POLQ: variants seen among roughly 807,000 people sequenced by gnomAD.
POLQ encodes the protein epididymis secretory sperm binding protein.
In POLQ, 233 loss-of-function variants were observed where a neutral mutation model predicts 259.2. The observed-to-expected ratio is 0.90, with a 90% CI of 0.81 to 1.00. POLQ has a LOEUF of 1.00. POLQ is among the 50% of genes least tolerant of loss of function. The pLI is 0.00. For missense variants in POLQ, 2,871 were observed against 3,051.6 expected, an observed-to-expected ratio of 0.94 and a Z score of 1.39; for synonymous variants, 1,025 against 1,048.8, an observed-to-expected ratio of 0.98 and a Z score of 0.44.
At chr3:121,512,441 A>T (rs1047749546) in intron 9 of POLQ, among the ~76,000 whole-genome samples, 1 of 152,190 alleles carries the variant, frequency 6.6e-6, no homozygotes, top group Admixed American at 6.5e-5. Context: ...CTACTAAAAT[A>T]ACTTCTATCT....
At position 121,432,948 on chromosome 3, in the gene POLQ, T is replaced by C. The variant is rs2047509688; in HGVS notation, c.7629A>G (p.Leu2543=). 6.2e-7 allele frequency: 1 copy of C among 1,603,892 alleles called. No homozygotes were observed. Among genetic ancestry groups the C allele is most frequent in the African/African-American group, 1.3e-5 (1 of 74,658 alleles). The change falls in exon 29 of 30, where the codon CTA becomes CTG. Residue 2543 remains leucine (L), a synonymous_variant. Transcript: ENST00000264233. ...CAACATCTTCTTCTGCCACTTCATA[T>C]AGGAGTTCATCATGGAGTTGAAGGA... is the stretch of plus-strand genomic sequence containing the variant. The part of the protein sequence containing the change: ...FFILQLHDEL[L]YEVAEEDVVQ...
At chr3:121,454,134 C>G (rs894575424) in intron 25 of POLQ, among the ~76,000 whole-genome samples, 1 of 152,136 alleles carries the variant, frequency 6.6e-6, no homozygotes, top group African/African-American at 2.4e-5. Flanking sequence ...CCAAACTAAG[C>G]TTCATTAAGT....
chr3:121,475,489 A>T (rs73193620), intron 20 of POLQ, among the ~76,000 whole-genome samples: 5,506 of 152,316 alleles, frequency 0.036, 152 homozygotes, highest in Middle Eastern at 0.082. Context: ...GAGAAAAAAA[A>T]CCAAGCAACT....
chr3:121,509,907 A>G (rs1020118170), intron 11 of POLQ, 132 bp downstream of exon 11: 2 of 853,296 alleles, frequency 2.3e-6, no homozygotes, highest in Admixed American at 2.6e-5. Flanking sequence ...ACTAAAAATG[A>G]GTTGATACAC....
chr3:121,456,325 G>A (rs1268522712), intron 25 of POLQ, among the ~76,000 whole-genome samples: 2 of 151,948 alleles, frequency 1.3e-5, no homozygotes, highest in African/African-American at 4.8e-5. Context: ...ACTGGCACAA[G>A]ACAGGGATGC....
At chr3:121,512,149 TG>T in intron 9 of POLQ, 120 bp from the exon 10 acceptor site, 1 of 798,592 alleles carries the variant, frequency 1.3e-6, no homozygotes. Flanking sequence ...GTGGTTGTTA[TG>T]GTAATAAAAT....
Position 121,487,500 on chromosome 3 carries a change from C to A in POLQ, c.5431G>T (p.Asp1811Tyr), listed in dbSNP as rs1305889963. 1.2e-6 allele frequency: 2 copies of A among 1,613,954 alleles called. No homozygotes were observed. Among genetic ancestry groups the A allele is most frequent in the Admixed American group, 3.3e-5 (2 of 59,978 alleles). The change falls in exon 16 of 30, where the codon GAT (aspartate) becomes TAT (tyrosine). Residue 1811 changes from aspartate (D) to tyrosine (Y), a missense_variant. Coordinates refer to ENST00000264233, the MANE Select transcript of POLQ (RefSeq NM_199420.4). Reference sequence around the variant, plus strand: ...GAGGCTGGAGTTAACTGTAATCCATCCTGTGATAACTGAAGTGAAAAGCTT... The same window carrying A: ...GAGGCTGGAGTTAACTGTAATCCATACTGTGATAACTGAAGTGAAAAGCTT... ...DTSFSLQLSQ[D>Y]GLQLTPASSS...
At chr3:121,530,838 A>T (rs575351265) in intron 6 of POLQ, among the ~76,000 whole-genome samples, 3 of 152,216 alleles carry the variant, frequency 2.0e-5, no homozygotes, top group Non-Finnish European at 4.4e-5. Flanking sequence ...GCAGAAAAAA[A>T]GCTCTACCCT....
chr3:121,464,238 A>G (rs1209379409), intron 24 of POLQ, among the ~76,000 whole-genome samples: 1 of 152,186 alleles, frequency 6.6e-6, no homozygotes. Context: ...AAAACAAATT[A>G]ATAATGGGCT....
chr3:121,524,917 C>T (rs993519506), intron 7 of POLQ, among the ~76,000 whole-genome samples: 4 of 141,108 alleles, frequency 2.8e-5, no homozygotes, highest in African/African-American at 7.8e-5. Context: ...CATGCATGTG[C>T]GTGTATATTT....
At position 121,496,845 on chromosome 3, in the gene POLQ, C is replaced by G; in HGVS notation, c.2241G>C (p.Gln747His). 5.6e-6 allele frequency: 9 copies of G among 1,613,770 alleles called. No individual in the cohort carries two copies. The highest frequency in any genetic ancestry group is 1.3e-5 in the African/African-American group (1 of 75,062). The change falls in exon 14 of 30, where the codon CAG becomes CAC. Residue 747 changes from glutamine to histidine, a missense_variant. Gln to His is a conservative substitution (Grantham distance 24). Around this residue, in one of 3 missense-constraint regions of POLQ, gnomAD observed 783 missense variants for 906.2 expected, o/e 0.86. Transcript: ENST00000264233. ...CAGCTGACTGTTGCAAAGATTGAAT[C>G]TGCCCACGATTGCATCCATATTTCT... ...INQKYGCNRG[Q>H]IQSLQQSAAV...
At chr3:121,502,512 T>TATAATTG (rs1344338108) in intron 12 of POLQ, among the ~76,000 whole-genome samples, 2 of 152,178 alleles carry the variant, frequency 1.3e-5, no homozygotes, top group Non-Finnish European at 2.9e-5. Flanking sequence ...CCAATATGCA[T>TATAATTG]ATAATTGAAT....
At chr3:121,443,700 A>C (rs928276213) in intron 26 of POLQ, among the ~76,000 whole-genome samples, 1 of 151,862 alleles carries the variant, frequency 6.6e-6, no homozygotes, top group Admixed American at 6.6e-5. Flanking sequence ...AGTTTCCCCC[A>C]TGTTTTCTTG....
chr3:121,452,044 C>T (rs937481391), intron 25 of POLQ, among the ~76,000 whole-genome samples: 2 of 152,180 alleles, frequency 1.3e-5, no homozygotes, highest in African/African-American at 4.8e-5. Context: ...GACTGCTGTG[C>T]TAGCAATGAG....
At chr3:121,459,669 C>T (rs1427611437) in intron 25 of POLQ, among the ~76,000 whole-genome samples, 1 of 152,174 alleles carries the variant, frequency 6.6e-6, no homozygotes, top group Non-Finnish European at 1.5e-5. Context: ...GCGTGAGCCA[C>T]CGCGCCCGGC....
rs1327185287 is a variant in POLQ at position 121,440,080 on chromosome 3, C to T, written c.7301G>A (p.Cys2434Tyr). Residue 2434 changes from cysteine to tyrosine, a missense_variant, in exon 27 of 30, where the codon TGT (cysteine) becomes TAT (tyrosine). Coordinates refer to ENST00000264233, the MANE Select transcript of POLQ (RefSeq NM_199420.4). ...GGTCTGAACAAATCCGTCTCTTTTA[C>T]AATTCTTCACTGTCTCTGTCATGAA... ...NQFMTETVKN[C>Y]KRDGFVQTIL... is the part of the protein sequence containing the mutation. 6.2e-7 allele frequency: 1 copy of T among 1,608,148 alleles called. No homozygotes were observed. The highest frequency in any genetic ancestry group is 8.5e-7 in the Non-Finnish European group (1 of 1,174,816).
intron 27 of POLQ, among the ~76,000 whole-genome samples, chr3:121,437,422 T>C (rs967174010): frequency 3.3e-5 from 5 of 152,190 alleles, no homozygotes; most frequent in Admixed American, 6.5e-5. Flanking sequence ...AAATGGCTAA[T>C]ACACATTTGT....
At chr3:121,439,751 G>T (rs969251349) in intron 27 of POLQ, among the ~76,000 whole-genome samples, 2 of 152,252 alleles carry the variant, frequency 1.3e-5, no homozygotes, top group Non-Finnish European at 2.9e-5. Context: ...AACAGAACAT[G>T]TTTAAAGTAT....
At chr3:121,496,147 G>T (rs565320779) in intron 14 of POLQ, among the ~76,000 whole-genome samples, 14 of 150,220 alleles carry the variant, frequency 9.3e-5, no homozygotes, top group Non-Finnish European at 1.9e-4. Flanking sequence ...TCCATCTTCC[G>T]TCCTTCTCCT....
Sources: allele counts gnomAD v4.1 joint callset (sites outside exome capture counted in the v4.1 genomes callset), GRCh38; gene constraint gnomAD v4.1.1; regional missense constraint gnomAD v4.1.1; transcripts MANE v1.5; gene names NCBI Gene and HGNC (gene_info 2026-07-23, HGNC 2026-07-21).